Variants in C10orf53 observed in about 807,000 individuals in gnomAD.
C10orf53 encodes the protein chromosome 10 open reading frame 53.
C10orf53 carries 8 observed loss-of-function variants against 9.4 expected under a neutral mutation model. The observed-to-expected ratio is 0.85, with a 90% CI of 0.50 to 1.53. The LOEUF (loss-of-function observed/expected upper bound fraction) is 1.53, where lower values mean the gene tolerates loss of function less well. Ranked by LOEUF, C10orf53 falls within the 40% of genes most tolerant of loss-of-function variation. The pLI, the probability that C10orf53 is intolerant of heterozygous loss-of-function variation, is 0.00. For missense variants in C10orf53, 117 were observed against 117.8 expected, an observed-to-expected ratio of 0.99 and a Z score of 0.03; for synonymous variants, 48 against 46.0, an observed-to-expected ratio of 1.04 and a Z score of -0.18.
rs1840616415 is a variant in C10orf53 at position 49,694,563 on chromosome 10, G to A, written c.243G>A (p.Leu81=). 1 of 1,614,220 alleles carries A rather than the reference G, an allele frequency of 6.2e-7. No individual in the cohort carries two copies. Among genetic ancestry groups the A allele is most frequent in the Non-Finnish European group, 8.5e-7 (1 of 1,180,022 alleles). ...GAGGCGATGGTAAACTAGACCCACT[G>A]TGTGAAAAGGCCAGGATAGCCGTGC... ...EFGGDGKLDP[L]CEKARIAVLN... The change falls in exon 3 of 3, where the codon CTG becomes CTA. Residue 81 remains leucine, a synonymous_variant. Transcript: ENST00000374111.
intron 2 of C10orf53, among the ~76,000 whole-genome samples, chr10:49,705,978 C>A (rs1840719665): frequency 6.6e-6 from 1 of 152,142 alleles, no homozygotes; most frequent in South Asian, 2.1e-4. Flanking sequence ...CCAAAGAAGA[C>A]ATACAAATTA....
chr10:49,694,997 A>G lies in C10orf53; in HGVS notation c.*395A>G. The G allele has an allele frequency of 1.0e-6, 1 of 961,248 alleles. No individual in the cohort carries two copies. Among genetic ancestry groups the G allele is most frequent in the Non-Finnish European group, 1.2e-6 (1 of 805,392 alleles). 59.5% of individuals were successfully genotyped at this position (961,248 alleles called of 1,614,324 possible). A position where few individuals can be genotyped will look rare whatever the true frequency, so the allele number is the denominator to read the frequency against. On this transcript the variant is annotated 3_prime_UTR_variant, in exon 3 of 3. Transcript: ENST00000374111. ...AAGTGCTCAGAACAGGTGAAATTAA[A>G]GAGAGGTTGGGGGAAGAGTGGGAAT...
chr10:49,694,494 T>C lies in C10orf53; in HGVS notation c.218-44T>C, dbSNP rs1840615280. ...AGGTATGTCTGATATGATAACAAAT[T>C]GTATATAAAGCTAACCAAAAGACAA... On this transcript the variant is annotated intron_variant, in intron 2 of 2. Coordinates refer to ENST00000374111, the MANE Select transcript of C10orf53 (RefSeq NM_001042427.3). The C allele has an allele frequency of 5.0e-6, 8 of 1,611,866 alleles. No individual in the cohort carries two copies. The East Asian group carries it at 1.8e-4, about 36-fold the overall frequency.
downstream of C10orf53, among the ~76,000 whole-genome samples, chr10:49,700,010 T>C (rs528819513): frequency 6.6e-6 from 1 of 152,248 alleles, no homozygotes; most frequent in African/African-American, 2.4e-5. Flanking sequence ...GTGGATGTTC[T>C]GTTTAGAGGA....
At chr10:49,703,669 G>C (rs910117366) in intron 2 of C10orf53, among the ~76,000 whole-genome samples, 9 of 152,134 alleles carry the variant, frequency 5.9e-5, no homozygotes, top group Non-Finnish European at 1.2e-4. Flanking sequence ...GAGTGCTTTA[G>C]ATCTGGGGAC....
At chr10:49,702,225 A>AGGGAGGG (rs1840689301), downstream of C10orf53, among the ~76,000 whole-genome samples, 1 of 75,316 alleles carries the variant, frequency 1.3e-5, no homozygotes, top group African/African-American at 4.2e-5. Context: ...GGAAGGAAGG[A>AGGGAGGG]AGGGAGGGAG....
chr10:49,704,276 A>G (rs1273424106), intron 2 of C10orf53, among the ~76,000 whole-genome samples: 1 of 152,242 alleles, frequency 6.6e-6, no homozygotes, highest in African/African-American at 2.4e-5. Context: ...TTTGCAACTC[A>G]TATCCTTAAC....
chr10:49,686,072 C>A (rs1419805271), intron 1 of C10orf53, among the ~76,000 whole-genome samples: 2 of 152,150 alleles, frequency 1.3e-5, no homozygotes, highest in Non-Finnish European at 2.9e-5. Flanking sequence ...AAGTCAGAGA[C>A]CCTGAACAGA....
chr10:49,691,584 A>C (rs1404039914), intron 1 of C10orf53, among the ~76,000 whole-genome samples: 2 of 152,178 alleles, frequency 1.3e-5, no homozygotes, highest in Admixed American at 6.5e-5. Flanking sequence ...GTTGGGCTTC[A>C]TTTGCTCGAA....
chr10:49,688,100 C>T (rs1348772211), intron 1 of C10orf53, among the ~76,000 whole-genome samples: 3 of 152,228 alleles, frequency 2.0e-5, no homozygotes, highest in East Asian at 1.9e-4. Context: ...CAGGACCTCT[C>T]GTAGCCACTG....
At chr10:49,686,774 A>C (rs1474011586) in intron 1 of C10orf53, among the ~76,000 whole-genome samples, 1 of 152,212 alleles carries the variant, frequency 6.6e-6, no homozygotes, top group African/African-American at 2.4e-5. Context: ...TTTCCTGTTA[A>C]GATGCTTATC....
At chr10:49,679,851 G>A in intron 1 of C10orf53, 57 bp downstream of exon 1, 1 of 1,442,200 alleles carries the variant, frequency 6.9e-7, no homozygotes, top group Admixed American at 2.4e-5. Context: ...CATCCGTGCA[G>A]GTGGTGCCCT....
downstream of C10orf53, among the ~76,000 whole-genome samples, chr10:49,700,934 G>A (rs930872013): frequency 1.1e-4 from 16 of 152,220 alleles, no homozygotes; most frequent in African/African-American, 3.9e-4. Flanking sequence ...ACTCTTTTGA[G>A]CAAACTTGGG....
rs148244498 is a variant in C10orf53 at position 49,708,557 on chromosome 10, G to A, written c.414G>A (p.Trp138Ter). ...AAACCAATCTTTGTGACCTGGGTTG[G>A]CCAGGCCTGGATCACATGCTCATTT... Residue 138 changes from tryptophan to a stop codon, truncating the protein, a stop_gained, in exon 3 of 3, where the codon TGG becomes TGA. Coordinates refer to the C10orf53 transcript ENST00000374112. LOFTEE classifies it high-confidence loss of function. 2.2e-5 allele frequency: 35 copies of A among 1,614,080 alleles called. 1 individual carries two copies. The highest frequency in any genetic ancestry group is 1.7e-4 in the African/African-American group (13 of 74,922).
In C10orf53 at chr10:49,697,354, A is replaced by AG. The variant is rs1395715022; in HGVS notation, c.*2753dup. On this transcript the variant is annotated 3_prime_UTR_variant, in exon 3 of 3. Coordinates refer to ENST00000374111, the MANE Select transcript of C10orf53 (RefSeq NM_001042427.3). ...TCGAGCACGCACCTCCCTGCCCAGAAGCAAGAGACACAGCTTGCTCCCCAT... is the reference window on the plus strand; with the variant it reads ...TCGAGCACGCACCTCCCTGCCCAGAAGGCAAGAGACACAGCTTGCTCCCCAT... Among the ~76,000 whole-genome samples, 2 of 152,174 alleles carry AG rather than the reference A, an allele frequency of 1.3e-5. No individual in the cohort carries two copies. Among genetic ancestry groups the AG allele is most frequent in the Non-Finnish European group, 2.9e-5 (2 of 68,030 alleles).
At chr10:49,707,901 T>C (rs1164682297) in intron 2 of C10orf53, among the ~76,000 whole-genome samples, 4 of 152,134 alleles carry the variant, frequency 2.6e-5, no homozygotes, top group Non-Finnish European at 5.9e-5. Context: ...ATTGACCTCA[T>C]TGTATTTTTA....
intron 2 of C10orf53, among the ~76,000 whole-genome samples, chr10:49,706,239 A>G (rs545510817): frequency 6.6e-6 from 1 of 152,372 alleles, no homozygotes; most frequent in Non-Finnish European, 1.5e-5. Flanking sequence ...TTCCTAGTAT[A>G]TACCCAAGAG....
chr10:49,684,072 A>C (rs1840505011), intron 1 of C10orf53, among the ~76,000 whole-genome samples: 1 of 152,238 alleles, frequency 6.6e-6, no homozygotes, highest in Non-Finnish European at 1.5e-5. Flanking sequence ...ATGGATATCC[A>C]ATTATCCCAA....
chr10:49,699,221 G>T, downstream of C10orf53, among the ~76,000 whole-genome samples: 1 of 26,694 alleles, frequency 3.7e-5, no homozygotes, highest in African/African-American at 1.0e-4. Context: ...TTTTGACAAG[G>T]CCTTGCTCTA....
Sources: gnomAD v4.1 joint callset for allele counts (sites outside exome capture counted in the v4.1 genomes callset) on GRCh38, gnomAD v4.1.1 for gene constraint, MANE v1.5 for transcripts, NCBI Gene and HGNC (gene_info 2026-07-23, HGNC 2026-07-21) for gene names.